Variants in POU6F2 observed in about 807,000 individuals in gnomAD.
POU6F2 encodes POU domain, class 6, transcription factor 2.
In POU6F2, 31 loss-of-function variants were observed where a neutral mutation model predicts 71.3. The observed-to-expected ratio is 0.43, with a 90% CI of 0.33 to 0.59. The LOEUF is 0.59. POU6F2 is among the 20% of genes least tolerant of loss of function. The pLI, the probability that POU6F2 is intolerant of heterozygous loss-of-function variation, is 0.04. For synonymous variants in POU6F2, 347 were observed against 355.7 expected (o/e 0.98, Z 0.27); for missense variants, 783 against 856.8 (o/e 0.91, Z 1.07).
In POU6F2 at chr7:39,432,943, C is replaced by G. The variant is rs181504716; in HGVS notation, c.1114-134C>G. The G allele has an allele frequency of 1.9e-3, 1,490 of 767,796 alleles. 25 individuals carry two copies. Among genetic ancestry groups the G allele is most frequent in the South Asian group, 9.8e-3 (529 of 53,960 alleles). The allele number at this position is 767,796 out of a possible 1,614,324, so 47.6% of individuals were successfully genotyped here. ...CCTGCCACCTTCTTCCACCACACCC[C>G]CCTCCAGAGCTGCTTGCAGATTCTG... On this transcript the variant is annotated intron_variant, in intron 6 of 9. Transcript: ENST00000518318.
At chr7:39,255,308 A>G (rs1051461496) in intron 4 of POU6F2, among the ~76,000 whole-genome samples, 4 of 152,232 alleles carry the variant, frequency 2.6e-5, no homozygotes, top group Non-Finnish European at 5.9e-5. Flanking sequence ...TATTAGAGCT[A>G]TTAAAAGACC....
intron 4 of POU6F2, among the ~76,000 whole-genome samples, chr7:39,289,757 C>G (rs1438683371): frequency 6.6e-6 from 1 of 152,076 alleles, no homozygotes; most frequent in Non-Finnish European, 1.5e-5. Context: ...AAACAAATAC[C>G]CTAGCCCCAC....
At chr7:39,332,257 C>A (rs925842604) in intron 4 of POU6F2, among the ~76,000 whole-genome samples, 1 of 151,700 alleles carries the variant, frequency 6.6e-6, no homozygotes. Flanking sequence ...CCCCTTTTTT[C>A]TGCAGATTTT....
chr7:39,197,124 C>T (rs1793803630), intron 2 of POU6F2, among the ~76,000 whole-genome samples: 1 of 152,154 alleles, frequency 6.6e-6, no homozygotes, highest in South Asian at 2.1e-4. Flanking sequence ...GTGGAGGGGG[C>T]TTAGAGTTTC....
chr7:39,234,728 G>C (rs1303857771), intron 4 of POU6F2, among the ~76,000 whole-genome samples: 1 of 152,230 alleles, frequency 6.6e-6, no homozygotes, highest in East Asian at 1.9e-4. Context: ...ATTTTATAGG[G>C]ACTGTTAGAA....
chr7:39,337,486 C>A (rs181496869), intron 4 of POU6F2, among the ~76,000 whole-genome samples: 80 of 152,318 alleles, frequency 5.3e-4, no homozygotes, highest in Non-Finnish European at 9.3e-4. Context: ...TTTACCCCAA[C>A]AAGCATCATT....
chr7:39,115,844 T>C (rs1791917496), intron 2 of POU6F2, among the ~76,000 whole-genome samples: 2 of 152,148 alleles, frequency 1.3e-5, no homozygotes, highest in African/African-American at 4.8e-5. Context: ...GTTTGTATAG[T>C]ATACTTATGT....
chr7:39,181,389 A>G (rs1378477928), intron 2 of POU6F2, among the ~76,000 whole-genome samples: 2 of 152,134 alleles, frequency 1.3e-5, no homozygotes, highest in Admixed American at 1.3e-4. Flanking sequence ...TAACTCTGTT[A>G]TTACCCAGCA....
intron 4 of POU6F2, among the ~76,000 whole-genome samples, chr7:39,223,645 C>T (rs926009501): frequency 6.6e-6 from 1 of 152,134 alleles, no homozygotes; most frequent in African/African-American, 2.4e-5. Flanking sequence ...TGAAATCTTC[C>T]CTACCTTTGA....
chr7:39,131,102 C>T (rs1792268200), intron 2 of POU6F2, among the ~76,000 whole-genome samples: 1 of 152,212 alleles, frequency 6.6e-6, no homozygotes, highest in Non-Finnish European at 1.5e-5. Flanking sequence ...CACCGTTTCT[C>T]ATTTATCACC....
At chr7:39,043,627 A>G (rs1790234909) in intron 1 of POU6F2, among the ~76,000 whole-genome samples, 1 of 151,970 alleles carries the variant, frequency 6.6e-6, no homozygotes, top group African/African-American at 2.4e-5. Flanking sequence ...CACCAACTGG[A>G]TTTTATGACC....
chr7:39,227,618 G>C (rs187630040), intron 4 of POU6F2, among the ~76,000 whole-genome samples: 1 of 147,674 alleles, frequency 6.8e-6, no homozygotes, highest in Non-Finnish European at 1.5e-5. Flanking sequence ...GCAGTGGCGC[G>C]ATCTCAGCTC....
intron 1 of POU6F2, among the ~76,000 whole-genome samples, chr7:38,986,725 A>G (rs1024388449): frequency 6.6e-6 from 1 of 152,182 alleles, no homozygotes; most frequent in Non-Finnish European, 1.5e-5. Context: ...ACAGAATAAT[A>G]TAAAGTGGAA....
intron 2 of POU6F2, among the ~76,000 whole-genome samples, chr7:39,154,660 T>G (rs966210978): frequency 1.9e-4 from 29 of 152,258 alleles, no homozygotes; most frequent in Admixed American, 1.4e-3. Context: ...GAATGAAACA[T>G]GAATTCATGC....
At chr7:39,412,798 TTTTTTTTTTTTTTTTTTTTTTG>T (rs1787579713) in intron 6 of POU6F2, among the ~76,000 whole-genome samples, 1 of 90,782 alleles carries the variant, frequency 1.1e-5, no homozygotes, top group South Asian at 4.4e-4. Context: ...TTTTTTTTTT[TTTTTTTTTTTTTTTTTTTTTTG>T]AGACGGAGTC....
intron 2 of POU6F2, among the ~76,000 whole-genome samples, chr7:39,144,208 A>G (rs1460574925): frequency 6.6e-6 from 1 of 152,228 alleles, no homozygotes; most frequent in Non-Finnish European, 1.5e-5. Context: ...AAGTCACAGG[A>G]TAAATAATAT....
At chr7:39,289,020 C>T (rs1583499750) in intron 4 of POU6F2, among the ~76,000 whole-genome samples, 1 of 152,212 alleles carries the variant, frequency 6.6e-6, no homozygotes, top group East Asian at 1.9e-4. Context: ...CTGATCTTCC[C>T]CTAAACTGGA....
intron 2 of POU6F2, among the ~76,000 whole-genome samples, chr7:39,178,106 T>C (rs867540844): frequency 2.6e-5 from 4 of 151,914 alleles, no homozygotes; most frequent in African/African-American, 9.7e-5. Flanking sequence ...ATACAAAAAT[T>C]AGCCAGGCCC....
At position 39,465,246 on chromosome 7, in the gene POU6F2, T is replaced by A. The variant is rs1306124494; in HGVS notation, c.*560T>A. ...AAACATGGCATTGCAACGCGATCGT[T>A]CGTCTACGCTTCTCCGCACGTAAAG... On this transcript the variant is annotated 3_prime_UTR_variant, in exon 10 of 10. Transcript: ENST00000518318. 6.5e-6 allele frequency: 1 copy of A among 152,684 alleles called. No homozygotes were observed. The highest frequency in any genetic ancestry group is 1.9e-4 in the East Asian group (1 of 5,186). 9.5% of individuals were successfully genotyped at this position (152,684 alleles called of 1,614,324 possible).
Sources: allele counts gnomAD v4.1 joint callset (sites outside exome capture counted in the v4.1 genomes callset), GRCh38; gene constraint gnomAD v4.1.1; transcripts MANE v1.5; gene names NCBI Gene and HGNC (gene_info 2026-07-23, HGNC 2026-07-21).